The following PRKDC variants were observed in gnomAD, a reference collection of about 807,000 sequenced individuals.
The protein encoded by PRKDC is protein kinase, DNA-activated, catalytic subunit.
PRKDC carries 82 observed loss-of-function variants against 486.9 expected under a neutral mutation model. That is an observed-to-expected ratio of 0.17 (90% CI 0.14 to 0.20). The LOEUF (loss-of-function observed/expected upper bound fraction) is 0.20. Ranked by LOEUF, PRKDC falls within the 10% of genes least tolerant of loss-of-function variation. PRKDC has a pLI of 1.00. For synonymous variants in PRKDC, 1,895 were observed against 1,837.0 expected (o/e 1.03, Z -0.81); for missense variants, 4,504 against 5,038.2 (o/e 0.89, Z 3.21).
At position 47,869,130 on chromosome 8, in the gene PRKDC, G is replaced by A. The variant is rs60725430; in HGVS notation, c.5364-4367C>T. Among the ~76,000 whole-genome samples the A allele has an allele frequency of 9.5e-3, 1,446 of 152,214 alleles. 19 individuals carry two copies. Among genetic ancestry groups the A allele is most frequent in the African/African-American group, 0.033 (1,373 of 41,516 alleles). On this transcript the variant is annotated intron_variant, in intron 40 of 85. Coordinates refer to ENST00000314191, the MANE Select transcript of PRKDC (RefSeq NM_006904.7). ...AATTGCAATTCTTGGGCAAGTCCTC[G>A]TGCTGGGCTGGGCTCAGAACAAGTG...
At chr8:47,862,349 G>C in intron 43 of PRKDC, 24 bp downstream of exon 43, 1 of 1,599,708 alleles carries the variant, frequency 6.3e-7, no homozygotes. Flanking sequence ...AATAACAATA[G>C]TGCACACCGT....
intron 68 of PRKDC, among the ~76,000 whole-genome samples, chr8:47,812,215 G>A (rs1563747103): frequency 6.6e-6 from 1 of 152,142 alleles, no homozygotes; most frequent in Non-Finnish European, 1.5e-5. Context: ...TTTCTCAGCA[G>A]TGATGGAACT....
chr8:47,959,390 T>A (rs2090771873), intron 1 of PRKDC: 1 of 151,888 alleles, frequency 6.6e-6, no homozygotes, highest in Admixed American at 6.6e-5. Flanking sequence ...AGAAAATACT[T>A]TCTCTTGGCC....
chr8:47,837,362 G>A lies in PRKDC; in HGVS notation c.7611C>T (p.Asp2537=), dbSNP rs1442855102. 6.2e-7 allele frequency: 1 copy of A among 1,612,962 alleles called. No homozygotes were observed. Among genetic ancestry groups the A allele is most frequent in the East Asian group, 2.2e-5 (1 of 44,888 alleles). The change falls in exon 57 of 86, where the codon GAC becomes GAT. Residue 2537 remains aspartate (D), a synonymous_variant. Coordinates refer to ENST00000314191, the MANE Select transcript of PRKDC (RefSeq NM_006904.7). The part of the protein sequence containing the change: ...HETRLPSNTL[D]RLLALNSLYS... ...ATAAGGAATTTAGTGCCAGCAACCGGTCCAAGGTATTTGAAGGTAACCTAG... is the reference window on the plus strand; with the variant it reads ...ATAAGGAATTTAGTGCCAGCAACCGATCCAAGGTATTTGAAGGTAACCTAG...
intron 49 of PRKDC, among the ~76,000 whole-genome samples, chr8:47,856,536 G>A (rs1389670859): frequency 6.6e-6 from 1 of 152,154 alleles, no homozygotes; most frequent in African/African-American, 2.4e-5. Flanking sequence ...AGCCCCGCAT[G>A]TGTATATTAT....
chr8:47,947,906 C>T (rs2090560508), intron 7 of PRKDC, among the ~76,000 whole-genome samples: 1 of 151,814 alleles, frequency 6.6e-6, no homozygotes, highest in Non-Finnish European at 1.5e-5. Flanking sequence ...AGACTCAAGT[C>T]TCAAAAAGAA....
chr8:47,853,697 A>G (rs536542042), intron 51 of PRKDC, among the ~76,000 whole-genome samples: 6 of 152,174 alleles, frequency 3.9e-5, no homozygotes, highest in Non-Finnish European at 5.9e-5. Flanking sequence ...AGTTTAGAAA[A>G]TAAGAAATAC....
intron 29 of PRKDC, among the ~76,000 whole-genome samples, 191 bp from the exon 30 acceptor site, chr8:47,897,485 A>G (rs1341269081): frequency 6.6e-6 from 1 of 152,258 alleles, no homozygotes; most frequent in Non-Finnish European, 1.5e-5. Flanking sequence ...TGGGTCCTAA[A>G]TGCTGCTCAT....
At position 47,778,481 on chromosome 8, in the gene PRKDC, T is replaced by A; in HGVS notation, c.11831A>T (p.His3944Leu). Residue 3944 changes from histidine (H) to leucine (L), a missense_variant, in exon 83 of 86, where the codon CAT (histidine) becomes CTT (leucine). By Grantham distance (99) the His-to-Leu change is moderately conservative (BLOSUM62 -3). Transcript: ENST00000314191. The stretch of plus-strand genomic sequence containing the variant: ...CACCTGTGTAGCGGATCCAAACGCA[T>A]GCCCAAAGTCGATCCCGATCACGCC... ...TGGVIGIDFG[H>L]AFGSATQFLP... 1 of 1,613,278 alleles carries A rather than the reference T, an allele frequency of 6.2e-7. No individual in the cohort carries two copies.
Position 47,854,187 on chromosome 8 carries a change from T to C in PRKDC, c.6789A>G (p.Lys2263=). ...YRLIFEKFSG[K]DPNSKDNSVG... ...CTGAGTTGTCTTTAGAATTAGGATC[T>C]TTACCGGAAAACTTTTCAAATATTA... Residue 2263 remains lysine (K), a synonymous_variant, in exon 51 of 86, where the codon AAA becomes AAG. Coordinates refer to ENST00000314191, the MANE Select transcript of PRKDC (RefSeq NM_006904.7). The C allele has an allele frequency of 6.2e-7, 1 of 1,613,644 alleles. No individual in the cohort carries two copies. The highest frequency in any genetic ancestry group is 8.5e-7 in the Non-Finnish European group (1 of 1,179,558).
At chr8:47,864,114 T>C (rs1333338079) in intron 41 of PRKDC, among the ~76,000 whole-genome samples, 1 of 152,070 alleles carries the variant, frequency 6.6e-6, no homozygotes. Context: ...TACAGGTGGG[T>C]AGGCCATAAA....
In PRKDC at chr8:47,834,406, G is replaced by A. The variant is rs750567576; in HGVS notation, c.7952-10C>T. The A allele has an allele frequency of 6.2e-7, 1 of 1,612,148 alleles. No homozygotes were observed. The highest frequency in any genetic ancestry group is 8.5e-7 in the Non-Finnish European group (1 of 1,179,474). On this transcript the variant is annotated splice_polypyrimidine_tract_variant and intron_variant, in intron 58 of 85. Coordinates refer to ENST00000314191, the MANE Select transcript of PRKDC (RefSeq NM_006904.7). ...AATGAGCTTCTTCCATCTGTGACAT[G>A]CAATCAGAGAGGTCAGGCACTCAGC... is the stretch of plus-strand genomic sequence containing the variant.
rs141040089 is a variant in PRKDC, at chr8:47,783,152, C to T, written c.11176-554G>A. ...AATTAGCCAGGCATGGTGGCGCACA[C>T]CTGTATCCCAGCTACTAGGGAGGCT... On this transcript the variant is annotated intron_variant, in intron 78 of 85. Coordinates refer to ENST00000314191, the MANE Select transcript of PRKDC (RefSeq NM_006904.7). The T allele has an allele frequency of 5.0e-3, 795 of 159,292 alleles. 7 individuals carry two copies. The highest frequency in any genetic ancestry group is 0.017 in the African/African-American group (719 of 41,542). 9.9% of individuals were successfully genotyped at this position (159,292 alleles called of 1,614,324 possible).
At chr8:47,798,839 T>C (rs1273305471) in intron 72 of PRKDC, among the ~76,000 whole-genome samples, 2 of 152,088 alleles carry the variant, frequency 1.3e-5, no homozygotes, top group South Asian at 2.1e-4. Flanking sequence ...AGATGGAGTC[T>C]CGCTCTGTCA....
intron 74 of PRKDC, among the ~76,000 whole-genome samples, chr8:47,792,024 T>G (rs981913556): frequency 2.6e-5 from 4 of 152,082 alleles, no homozygotes; most frequent in African/African-American, 9.7e-5. Context: ...TAAAAAAGAA[T>G]GAGATCCTGT....
At chr8:47,855,095 A>G in intron 50 of PRKDC, 127 bp downstream of exon 50, 1 of 1,016,836 alleles carries the variant, frequency 9.8e-7, no homozygotes, top group Non-Finnish European at 1.4e-6. Flanking sequence ...TGGTTTTATT[A>G]GTAACAATAA....
intron 85 of PRKDC, 42 bp downstream of exon 85, chr8:47,776,800 CAT>C (rs2086616038): frequency 6.2e-7 from 1 of 1,607,874 alleles, no homozygotes; most frequent in African/African-American, 1.3e-5. Context: ...GAAACAGTAG[CAT>C]GTCGGTAGTC....
At position 47,782,398 on chromosome 8, in the gene PRKDC, G is replaced by A. The variant is rs1210023685; in HGVS notation, c.11376C>T (p.Ser3792=). The A allele has an allele frequency of 1.9e-6, 3 of 1,604,282 alleles. No homozygotes were observed. Among genetic ancestry groups the A allele is most frequent in the Non-Finnish European group, 2.6e-6 (3 of 1,176,032 alleles). Residue 3792 remains serine, a synonymous_variant, in exon 79 of 86, where the codon AGC becomes AGT. Coordinates refer to ENST00000314191, the MANE Select transcript of PRKDC (RefSeq NM_006904.7). The surrounding 1 kb of genome is among the most constrained non-coding windows in gnomAD (Gnocchi z 4.9). ...GTTACCTGGAGGTCATGGGCACAAC[G>A]CTATAGGTCCTCAGCTGCAGGGCCC... ...SQRALQLRTY[S]VVPMTSRLGL... is the part of the protein sequence containing the mutation.
At chr8:47,838,537 A>C (rs1589732878) in intron 56 of PRKDC, among the ~76,000 whole-genome samples, 1 of 152,122 alleles carries the variant, frequency 6.6e-6, no homozygotes, top group East Asian at 1.9e-4. Flanking sequence ...ATACGAACCC[A>C]GGAGTCAGAG....
Sources: allele counts gnomAD v4.1 joint callset (sites outside exome capture counted in the v4.1 genomes callset), GRCh38; gene constraint gnomAD v4.1.1; non-coding constraint Gnocchi (gnomAD v3.1); transcripts MANE v1.5; gene names NCBI Gene and HGNC (gene_info 2026-07-23, HGNC 2026-07-21).